MTO1: variants seen among roughly 807,000 people sequenced by gnomAD.
MTO1 encodes 5-taurinomethyluridine-[tRNA] synthase subunit MTO1, mitochondrial.
In MTO1, 46 loss-of-function variants were observed where a neutral mutation model predicts 71.6. The ratio of observed to expected loss-of-function variants is 0.64; its 90% CI spans 0.51 to 0.82. The LOEUF is 0.82. Among genes scored for constraint, MTO1 ranks in the 40% least tolerant of loss-of-function variants. The probability of loss-of-function intolerance (pLI) is 0.00; values close to 1 mark genes in which losing one functional copy is unlikely to be tolerated. For synonymous variants in MTO1, 297 were observed against 312.1 expected (o/e 0.95, Z 0.51); for missense variants, 773 against 867.5 (o/e 0.89, Z 1.37).
intron 1 of MTO1, among the ~76,000 whole-genome samples, chr6:73,465,306 G>T (rs890592448): frequency 1.3e-5 from 2 of 151,866 alleles, no homozygotes; most frequent in African/African-American, 4.8e-5. Flanking sequence ...TGGGATTACA[G>T]GTGCAAACTG....
intron 3 of MTO1, chr6:73,471,811 C>A: frequency 6.3e-6 from 1 of 159,990 alleles, no homozygotes; most frequent in South Asian, 1.5e-4. Context: ...AATATACAAA[C>A]CATAAAATGT....
intron 9 of MTO1, among the ~76,000 whole-genome samples, chr6:73,490,036 C>CAAAT (rs1561950902): frequency 2.6e-5 from 4 of 152,168 alleles, no homozygotes; most frequent in African/African-American, 7.2e-5. Context: ...TCTCTGATGG[C>CAAAT]CAGTGATGAT....
chr6:73,470,560 T>C (rs145801828), intron 3 of MTO1, among the ~76,000 whole-genome samples: 1 of 152,276 alleles, frequency 6.6e-6, no homozygotes, highest in Non-Finnish European at 1.5e-5. Flanking sequence ...ATTTTTATTA[T>C]AGATTTATTA....
At chr6:73,484,671 T>A (rs894018384) in intron 9 of MTO1, among the ~76,000 whole-genome samples, 2 of 152,208 alleles carry the variant, frequency 1.3e-5, no homozygotes, top group Non-Finnish European at 2.9e-5. Flanking sequence ...GGTTGTAGTG[T>A]AAGCAGTTTA....
At chr6:73,500,048 G>A (rs1772110712) in intron 11 of MTO1, among the ~76,000 whole-genome samples, 1 of 152,108 alleles carries the variant, frequency 6.6e-6, no homozygotes, top group Admixed American at 6.6e-5. Flanking sequence ...CACCCAGGCT[G>A]GAGTGCAGTG....
intron 9 of MTO1, among the ~76,000 whole-genome samples, chr6:73,486,293 A>G (rs529700314): frequency 6.6e-6 from 1 of 152,300 alleles, no homozygotes; most frequent in Admixed American, 6.5e-5. Flanking sequence ...TAGTTTAAGT[A>G]TATTCATATG....
Position 73,503,397 on chromosome 6 carries a change from G to C in MTO1, c.*2662G>C, listed in dbSNP as rs930677180. ...CAAAGTGCTCAGATTACAGGCATGAGCCACCACACGTGGCCTGAAACCTCT... is the reference window on the plus strand; with the variant it reads ...CAAAGTGCTCAGATTACAGGCATGACCCACCACACGTGGCCTGAAACCTCT... On this transcript the variant is annotated 3_prime_UTR_variant, in exon 12 of 12. Transcript: ENST00000498286. The C allele has an allele frequency of 2.0e-5, 3 of 152,234 alleles. No homozygotes were observed. The highest frequency in any genetic ancestry group is 4.4e-5 in the Non-Finnish European group (3 of 68,076). The allele number at this position is 152,234 out of a possible 1,614,324, so 9.4% of individuals were successfully genotyped here.
At chr6:73,476,171 T>C (rs1771311875) in intron 4 of MTO1, among the ~76,000 whole-genome samples, 1 of 150,780 alleles carries the variant, frequency 6.6e-6, no homozygotes, top group African/African-American at 2.4e-5. Flanking sequence ...AAGACCAGTC[T>C]GGCCAACATG....
chr6:73,466,341 G>A lies in MTO1; in HGVS notation c.350G>A (p.Arg117His), dbSNP rs763571382. 2.2e-5 allele frequency: 35 copies of A among 1,614,042 alleles called. 1 individual carries two copies. Among genetic ancestry groups the A allele is most frequent in the South Asian group, 1.2e-4 (11 of 91,090 alleles). ...GTACATTATAAAGTATTAAACCGGC[G>A]TAAGGGACCAGCTGTGTGGGGTCTG... ...SGVHYKVLNR[R>H]KGPAVWGLRA... The change falls in exon 2 of 12, where the codon CGT becomes CAT. Residue 117 changes from arginine to histidine, a missense_variant. By Grantham distance (29) the Arg-to-His change is conservative. Transcript: ENST00000498286.
At chr6:73,494,408 T>G (rs1001209041) in intron 10 of MTO1, among the ~76,000 whole-genome samples, 2 of 151,958 alleles carry the variant, frequency 1.3e-5, no homozygotes, top group Non-Finnish European at 2.9e-5. Context: ...GAAAAGACTA[T>G]GCTCTTTGGG....
At chr6:73,488,843 G>A (rs34333964) in intron 9 of MTO1, among the ~76,000 whole-genome samples, 4 of 152,082 alleles carry the variant, frequency 2.6e-5, no homozygotes, top group African/African-American at 9.7e-5. Context: ...GCTTGAACCC[G>A]GGAGATGGAG....
At chr6:73,462,653 C>CG (rs1249217976) in intron 1 of MTO1, among the ~76,000 whole-genome samples, 1 of 151,980 alleles carries the variant, frequency 6.6e-6, no homozygotes, top group South Asian at 2.1e-4. Flanking sequence ...CGCTTGAACC[C>CG]GGGGGCAGAG....
intron 9 of MTO1, among the ~76,000 whole-genome samples, chr6:73,488,233 G>A (rs1167527234): frequency 1.3e-5 from 2 of 151,880 alleles, no homozygotes; most frequent in Non-Finnish European, 2.9e-5. Flanking sequence ...GAGTGCAGTG[G>A]TACAATCATA....
chr6:73,503,214 T>A lies in MTO1; in HGVS notation c.*2479T>A, dbSNP rs1367199408. Reference sequence around the variant, plus strand: ...GCCTTGATCTCCTGGGCTCAAGTGATCCTTATGCCTCAGCCTCCCAAGTGG... The same window carrying A: ...GCCTTGATCTCCTGGGCTCAAGTGAACCTTATGCCTCAGCCTCCCAAGTGG... On this transcript the variant is annotated 3_prime_UTR_variant, in exon 12 of 12. Coordinates refer to ENST00000498286, the MANE Select transcript of MTO1 (RefSeq NM_012123.4). The A allele has an allele frequency of 6.6e-6, 1 of 152,180 alleles. No individual in the cohort carries two copies. Among genetic ancestry groups the A allele is most frequent in the African/African-American group, 2.4e-5 (1 of 41,434 alleles). 9.4% of individuals were successfully genotyped at this position (152,180 alleles called of 1,614,324 possible).
At chr6:73,464,998 G>GT (rs1398366433) in intron 1 of MTO1, among the ~76,000 whole-genome samples, 1 of 152,096 alleles carries the variant, frequency 6.6e-6, no homozygotes, top group Non-Finnish European at 1.5e-5. Context: ...CTGGGTAAAT[G>GT]TAAGGGAAAG....
Position 73,463,804 on chromosome 6 carries a change from G to A in MTO1, c.217+1733G>A, listed in dbSNP as rs532792128. Among the ~76,000 whole-genome samples the A allele has an allele frequency of 5.9e-5, 9 of 151,976 alleles. No homozygotes were observed. The South Asian group carries it at 1.5e-3, about 25-fold the overall frequency. On this transcript the variant is annotated intron_variant, in intron 1 of 11. Transcript: ENST00000498286. ...TGACCAGGCTAGAATGCAGTGGCGC[G>A]ATCTTGGCTCACTGCAACCTCCACC... is the stretch of plus-strand genomic sequence containing the variant.
chr6:73,478,203 G>A (rs1418282273), intron 4 of MTO1, among the ~76,000 whole-genome samples: 1 of 150,716 alleles, frequency 6.6e-6, no homozygotes, highest in Admixed American at 6.6e-5. Context: ...CAGAGATGAT[G>A]CCACTGCACT....
At chr6:73,484,761 A>G (rs1771604841) in intron 9 of MTO1, among the ~76,000 whole-genome samples, 1 of 152,126 alleles carries the variant, frequency 6.6e-6, no homozygotes, top group African/African-American at 2.4e-5. Context: ...TTGGACAAAT[A>G]ATTTATAACA....
At position 73,466,534 on chromosome 6, in the gene MTO1, G is replaced by A. The variant is rs1770998841; in HGVS notation, c.463G>A (p.Val155Ile). The change falls in exon 3 of 12, where the codon GTA becomes ATA. Residue 155 changes from valine to isoleucine, a missense_variant. Physicochemically the swap from Val to Ile is conservative, Grantham distance 29. Coordinates refer to ENST00000498286, the MANE Select transcript of MTO1 (RefSeq NM_012123.4). ...ACTGCTTACTGTTCAGGAGGGAGCTGTAGAAGATCTTATTCTTACAGAACC... is the reference window on the plus strand; with the variant it reads ...ACTGCTTACTGTTCAGGAGGGAGCTATAGAAGATCTTATTCTTACAGAACC... ...TPLLTVQEGA[V>I]EDLILTEPEP... 1.2e-6 allele frequency: 2 copies of A among 1,614,096 alleles called. No individual in the cohort carries two copies. The highest frequency in any genetic ancestry group is 1.7e-5 in the Admixed American group (1 of 59,990).
Sources: allele counts gnomAD v4.1 joint callset (sites outside exome capture counted in the v4.1 genomes callset), GRCh38; gene constraint gnomAD v4.1.1; transcripts MANE v1.5; gene names NCBI Gene and HGNC (gene_info 2026-07-23, HGNC 2026-07-21).